LARGE2: variants seen among roughly 807,000 people sequenced by gnomAD.
LARGE2 encodes the protein xylosyl- and glucuronyltransferase LARGE2.
A neutral mutation model predicts 75.3 loss-of-function variants in LARGE2; 63 were observed. The ratio of observed to expected loss-of-function variants is 0.84; its 90% CI spans 0.68 to 1.03. The LOEUF is 1.03. LARGE2 is among the 50% of genes least tolerant of loss of function. The pLI is 0.00. For missense variants in LARGE2, 925 were observed against 980.6 expected (o/e 0.94, Z 0.76); for synonymous variants, 428 against 420.1 (o/e 1.02, Z -0.23).
chr11:45,923,965 G>C (rs1383334708), intron 3 of LARGE2, among the ~76,000 whole-genome samples, 189 bp from the exon 4 acceptor site: 9 of 115,160 alleles, frequency 7.8e-5, no homozygotes, highest in Admixed American at 7.7e-4. Context: ...CAGCCTGGGC[G>C]ACAGAGCGAG....
At chr11:45,925,795 G>T (rs767026003) in intron 6 of LARGE2, among the ~76,000 whole-genome samples, 1 of 152,134 alleles carries the variant, frequency 6.6e-6, no homozygotes, top group African/African-American at 2.4e-5. Context: ...CTGGGAAGTC[G>T]AGGCTGCAGT....
Position 45,928,264 on chromosome 11 carries a change from C to G in LARGE2, c.1842C>G (p.Ala614=). ...CCCCGTACCGTGTGCAATGGGCGGC[C>G]AACTATGAACCCTACGTGGTGGTGC... ...AQAPYRVQWA[A]NYEPYVVVPR... The change falls in exon 13 of 14, where the codon GCC becomes GCG. Residue 614 remains alanine (A), a synonymous_variant. Transcript: ENST00000401752. 1 of 1,614,112 alleles carries G rather than the reference C, an allele frequency of 6.2e-7. No homozygotes were observed. Among genetic ancestry groups the G allele is most frequent in the East Asian group, 2.2e-5 (1 of 44,872 alleles).
chr11:45,928,094 A>G (rs1243477490), intron 12 of LARGE2, 25 bp downstream of exon 12: 6 of 1,612,456 alleles, frequency 3.7e-6, no homozygotes, highest in Non-Finnish European at 5.1e-6. Context: ...TTCTCTGCCC[A>G]CTCCACTCAC....
rs2086962560 is a variant in LARGE2, at chr11:45,922,722, GGA to G, written c.-67_-66del. On this transcript the variant is annotated 5_prime_UTR_variant, in exon 1 of 14. Transcript: ENST00000401752. ...CGCAGGGCCCAGCCCGGGAGCCGCT[GGA>G]GCAGGTGAGGGAGGTGGCTCGGCGC... is the stretch of plus-strand genomic sequence containing the variant. The G allele has an allele frequency of 4.1e-6, 2 of 488,974 alleles. No individual in the cohort carries two copies. The highest frequency in any genetic ancestry group is 6.3e-6 in the Non-Finnish European group (2 of 316,768). 30.3% of individuals were successfully genotyped at this position (488,974 alleles called of 1,614,324 possible). A position where few individuals can be genotyped will look rare whatever the true frequency, so the allele number is the denominator to read the frequency against.
In LARGE2 at chr11:45,927,346, T is replaced by C; in HGVS notation, c.1357T>C (p.Trp453Arg). 2 of 1,613,754 alleles carry C rather than the reference T, an allele frequency of 1.2e-6. No individual in the cohort carries two copies. Among genetic ancestry groups the C allele is most frequent in the Non-Finnish European group, 1.7e-6 (2 of 1,180,010 alleles). ...LQMLEALCRHWPGPMSLALYL... is the reference protein window; with the variant it reads ...LQMLEALCRHRPGPMSLALYL... ...GATGTTGGAAGCCCTGTGCAGGCACTGGCCTGGCCCCATGAGCCTGGCCTT... is the reference window on the plus strand; with the variant it reads ...GATGTTGGAAGCCCTGTGCAGGCACCGGCCTGGCCCCATGAGCCTGGCCTT... The change falls in exon 11 of 14, where the codon TGG becomes CGG. Residue 453 changes from tryptophan (W) to arginine (R), a missense_variant. By Grantham distance (101) the Trp-to-Arg change is moderately radical. Transcript: ENST00000401752.
Position 45,923,362 on chromosome 11 carries a change from C to T in LARGE2, c.286-111C>T. The T allele has an allele frequency of 5.1e-6, 6 of 1,177,624 alleles. No homozygotes were observed. The Admixed American group carries it at 1.0e-4, about 20-fold the overall frequency. 72.9% of individuals were successfully genotyped at this position (1,177,624 alleles called of 1,614,324 possible). A position where few individuals can be genotyped will look rare whatever the true frequency, so the allele number is the denominator to read the frequency against. On this transcript the variant is annotated intron_variant, in intron 2 of 13. Coordinates refer to ENST00000401752, the MANE Select transcript of LARGE2 (RefSeq NM_001300721.2). ...TGAAATGAAGGGTTGGCTCCTGCTG[C>T]CCCCTCCGCACACTGTTCCGGGCTC...
In LARGE2 at chr11:45,927,642, G is replaced by A. The variant is rs527563294; in HGVS notation, c.1604+49G>A. On this transcript the variant is annotated intron_variant, in intron 11 of 13. Coordinates refer to ENST00000401752, the MANE Select transcript of LARGE2 (RefSeq NM_001300721.2). ...AACAATATATGGGGTGGACGTGGAC[G>A]GGGCATGCGTGGGACCCCAGGCTTC... 389 of 1,593,164 alleles carry A rather than the reference G, an allele frequency of 2.4e-4. 3 individuals carry two copies. In the South Asian group the frequency reaches 3.8e-3, roughly 16 times the overall value.
Position 45,927,470 on chromosome 11 carries a change from G to GT in LARGE2, c.1482dup (p.Glu495Ter). On this transcript the variant is annotated frameshift_variant, in exon 11 of 14. Coordinates refer to ENST00000401752, the MANE Select transcript of LARGE2 (RefSeq NM_001300721.2). LOFTEE classifies it high-confidence loss of function. The stretch of plus-strand genomic sequence containing the variant: ...GACGTGGCCTACCATGTGGTGTACC[G>GT]TGAGGGGCCCCTATACCCCGTCAAC... 1.9e-6 allele frequency: 3 copies of GT among 1,614,216 alleles called. No individual in the cohort carries two copies. The highest frequency in any genetic ancestry group is 2.5e-6 in the Non-Finnish European group (3 of 1,180,044).
chr11:45,927,613 G>A lies in LARGE2; in HGVS notation c.1604+20G>A, dbSNP rs912445827. 1.2e-5 allele frequency: 19 copies of A among 1,609,788 alleles called. No individual in the cohort carries two copies. Among genetic ancestry groups the A allele is most frequent in the Non-Finnish European group, 1.6e-5 (19 of 1,178,928 alleles). ...CCTCAGGTGGGCCTGCAGGCAGAGA[G>A]GGGAACAATATATGGGGTGGACGTG... On this transcript the variant is annotated intron_variant, in intron 11 of 13. Transcript: ENST00000401752.
upstream of LARGE2, among the ~76,000 whole-genome samples, chr11:45,922,312 G>C (rs2086944976): frequency 6.6e-6 from 1 of 152,128 alleles, no homozygotes; most frequent in Non-Finnish European, 1.5e-5. Flanking sequence ...CCCTCGTGTC[G>C]AGCTCCCGCA....
intron 11 of LARGE2, 82 bp downstream of exon 11, chr11:45,927,675 C>T: frequency 6.4e-7 from 1 of 1,559,200 alleles, no homozygotes; most frequent in South Asian, 1.1e-5. Flanking sequence ...TTCCATGTCC[C>T]TGCTCCTTTC....
Position 45,926,513 on chromosome 11 carries a change from C to T in LARGE2, c.1080C>T (p.Tyr360=), listed in dbSNP as rs1022284596. ...NKHVEFFRNF[Y]LTFLEYDGNL... is the part of the protein sequence containing the mutation. ...ATGTGGAATTCTTCCGCAATTTCTACCTGACCTTCCTGGAGTACGATGGGA... is the reference window on the plus strand; with the variant it reads ...ATGTGGAATTCTTCCGCAATTTCTATCTGACCTTCCTGGAGTACGATGGGA... The change falls in exon 9 of 14, where the codon TAC becomes TAT. Residue 360 remains tyrosine, a synonymous_variant. Transcript: ENST00000401752. The T allele has an allele frequency of 1.2e-6, 2 of 1,614,136 alleles. No homozygotes were observed. The highest frequency in any genetic ancestry group is 1.7e-5 in the Admixed American group (1 of 60,018).
rs1225647714 is a variant in LARGE2 at position 45,925,027 on chromosome 11, C to A, written c.769+138C>A. The A allele has an allele frequency of 1.1e-5, 6 of 557,998 alleles. No homozygotes were observed. In the African/African-American group the frequency reaches 1.1e-4, roughly 11 times the overall value. The allele number at this position is 557,998 out of a possible 1,614,324, so 34.6% of individuals were successfully genotyped here. A position where few individuals can be genotyped will look rare whatever the true frequency, so the allele number is the denominator to read the frequency against. On this transcript the variant is annotated intron_variant, in intron 6 of 13. Coordinates refer to ENST00000401752, the MANE Select transcript of LARGE2 (RefSeq NM_001300721.2). ...AAAGAACCCTGGATGAAGAGACAGACAGCAGTTCCAACAGTCCTGTGTGTG... is the reference window on the plus strand; with the variant it reads ...AAAGAACCCTGGATGAAGAGACAGAAAGCAGTTCCAACAGTCCTGTGTGTG...
At position 45,924,820 on chromosome 11, in the gene LARGE2, G is replaced by T. The variant is rs1469848399; in HGVS notation, c.700G>T (p.Asp234Tyr). ...QAIGLVENQS[D>Y]WYLGNLWKNH... ...GATCGGTCTTGTGGAGAACCAGAGT[G>T]ACTGGTACCTGGGCAACCTCTGGAA... The change falls in exon 6 of 14, where the codon GAC (aspartate) becomes TAC (tyrosine). Residue 234 changes from aspartate to tyrosine, a missense_variant. Coordinates refer to ENST00000401752, the MANE Select transcript of LARGE2 (RefSeq NM_001300721.2). 6.6e-7 allele frequency: 1 copy of T among 1,513,172 alleles called. No homozygotes were observed. Among genetic ancestry groups the T allele is most frequent in the Non-Finnish European group, 8.8e-7 (1 of 1,130,162 alleles). 93.7% of individuals were successfully genotyped at this position (1,513,172 alleles called of 1,614,324 possible).
At chr11:45,924,095 G>A in intron 3 of LARGE2, 59 bp from the exon 4 acceptor site, 9 of 1,594,552 alleles carry the variant, frequency 5.6e-6, no homozygotes, top group Non-Finnish European at 7.7e-6. Flanking sequence ...TCGGGGTGGG[G>A]GCTGTCCCAT....
rs189769570 is a variant in LARGE2 at position 45,926,637 on chromosome 11, G to C, written c.1164+40G>C. On this transcript the variant is annotated intron_variant, in intron 9 of 13. Transcript: ENST00000401752. ...CCTTCCCCTGCCCCTCTCTGCTTTG[G>C]TGGGACCCAGCCTTGTCTGGGGGAT... 1,423 of 1,613,428 alleles carry C rather than the reference G, an allele frequency of 8.8e-4. 15 individuals carry two copies. The African/African-American group carries it at 0.016, about 18-fold the overall frequency.
At chr11:45,925,527 G>T (rs773019568) in intron 6 of LARGE2, among the ~76,000 whole-genome samples, 18 of 151,958 alleles carry the variant, frequency 1.2e-4, no homozygotes, top group Non-Finnish European at 2.4e-4. Flanking sequence ...GTGGTATCAC[G>T]TACCTGTAAT....
upstream of LARGE2, chr11:45,921,634 C>A (rs2086924700): frequency 6.6e-6 from 1 of 152,274 alleles, no homozygotes; most frequent in East Asian, 1.9e-4. Flanking sequence ...CAAACAACTT[C>A]AACTTTCCAT....
Position 45,927,602 on chromosome 11 carries a change from G to A in LARGE2, c.1604+9G>A. 6.2e-7 allele frequency: 1 copy of A among 1,611,470 alleles called. No individual in the cohort carries two copies. On this transcript the variant is annotated intron_variant, in intron 11 of 13. Coordinates refer to ENST00000401752, the MANE Select transcript of LARGE2 (RefSeq NM_001300721.2). ...CTCTACGACTACCTCAGGTGGGCCT[G>A]CAGGCAGAGAGGGGAACAATATATG...
Sources: gnomAD v4.1 joint callset for allele counts (sites outside exome capture counted in the v4.1 genomes callset) on GRCh38, gnomAD v4.1.1 for gene constraint, MANE v1.5 for transcripts, NCBI Gene and HGNC (gene_info 2026-07-23, HGNC 2026-07-21) for gene names.